The following FAM83B variants were observed in gnomAD, a reference collection of about 807,000 sequenced individuals.
FAM83B encodes the protein protein FAM83B.
In FAM83B, 26 loss-of-function variants were observed where a neutral mutation model predicts 38.8. That is an observed-to-expected ratio of 0.67 (90% confidence interval 0.49 to 0.93). FAM83B has a LOEUF of 0.93. Ranked by LOEUF, FAM83B falls within the 40% of genes least tolerant of loss-of-function variation. FAM83B has a pLI of 0.00. For synonymous variants in FAM83B, 419 were observed against 423.1 expected, an observed-to-expected ratio of 0.99 and a Z score of 0.12; for missense variants, 1,237 against 1,197.3, an observed-to-expected ratio of 1.03 and a Z score of -0.49.
chr6:54,914,773 A>G (rs1772996948), intron 2 of FAM83B, among the ~76,000 whole-genome samples: 1 of 152,110 alleles, frequency 6.6e-6, no homozygotes, highest in South Asian at 2.1e-4. Flanking sequence ...CTTCCTGGCA[A>G]GCCCACAATC....
In FAM83B at chr6:54,870,643, C is replaced by T. The variant is rs748788518; in HGVS notation, c.397C>T (p.Leu133Phe). The T allele has an allele frequency of 1.2e-5, 20 of 1,611,234 alleles. No homozygotes were observed. The South Asian group carries it at 2.1e-4, about 17-fold the overall frequency. ...TTTTCATCCACCAAGAGCACATCTA[C>T]TTACGATAAAAGAAACTATTCGGAA... is the stretch of plus-strand genomic sequence containing the variant. ...LLFHPPRAHLLTIKETIRKMI... is the reference protein window; with the variant it reads ...LLFHPPRAHLFTIKETIRKMI... Residue 133 changes from leucine to phenylalanine, a missense_variant, in exon 2 of 5, where the codon CTT (leucine) becomes TTT (phenylalanine). Transcript: ENST00000306858.
intron 4 of FAM83B, among the ~76,000 whole-genome samples, chr6:54,932,503 A>G (rs186505318): frequency 3.3e-4 from 50 of 152,308 alleles, no homozygotes; most frequent in Non-Finnish European, 6.6e-4. Context: ...TTTAAATTCT[A>G]TGAACCACAT....
chr6:54,903,798 G>A (rs972950040), intron 2 of FAM83B, among the ~76,000 whole-genome samples: 6 of 151,122 alleles, frequency 4.0e-5, no homozygotes, highest in Admixed American at 3.3e-4. Flanking sequence ...AGCATAATAG[G>A]TTTTTTTAAT....
rs549043497 is a variant in FAM83B, at chr6:54,914,143, G to A, written c.445-12228G>A. Among the ~76,000 whole-genome samples the A allele has an allele frequency of 4.6e-5, 7 of 152,072 alleles. No individual in the cohort carries two copies. In the South Asian group the frequency reaches 1.2e-3, roughly 27 times the overall value. On this transcript the variant is annotated intron_variant, in intron 2 of 4. Transcript: ENST00000306858. ...TTTCCCTCTCCTTTTTTGGTAAATA[G>A]TGGTGGGATATTTTCTGTTTTCTAG... is the stretch of plus-strand genomic sequence containing the variant.
intron 1 of FAM83B, among the ~76,000 whole-genome samples, chr6:54,851,647 G>GTTTTT (rs577598548): frequency 4.6e-5 from 4 of 86,958 alleles, no homozygotes; most frequent in African/African-American, 9.4e-5. Flanking sequence ...TAATTTTTGT[G>GTTTTT]TTTTTTTTTT....
chr6:54,891,988 T>A (rs1437252413), intron 2 of FAM83B, among the ~76,000 whole-genome samples: 1 of 152,060 alleles, frequency 6.6e-6, no homozygotes, highest in African/African-American at 2.4e-5. Flanking sequence ...TTGCCATGTC[T>A]ACCTCCTTCT....
chr6:54,883,410 A>G (rs1362961125), intron 2 of FAM83B, among the ~76,000 whole-genome samples: 2 of 146,214 alleles, frequency 1.4e-5, no homozygotes, highest in Non-Finnish European at 3.0e-5. Context: ...TCTTGGCTCA[A>G]CGCAACCTCC....
At chr6:54,921,548 T>C (rs1773169640) in intron 2 of FAM83B, among the ~76,000 whole-genome samples, 1 of 152,008 alleles carries the variant, frequency 6.6e-6, no homozygotes, top group Non-Finnish European at 1.5e-5. Context: ...TGAATGCATT[T>C]ATTTATTTAC....
chr6:54,922,117 C>G (rs772062482), intron 2 of FAM83B, among the ~76,000 whole-genome samples: 27 of 151,996 alleles, frequency 1.8e-4, no homozygotes, highest in Non-Finnish European at 2.1e-4. Flanking sequence ...GTCATTTGTT[C>G]TGCATTTAGT....
chr6:54,927,368 A>T (rs557589681), intron 3 of FAM83B, 140 bp from the exon 4 acceptor site: 2 of 563,336 alleles, frequency 3.6e-6, no homozygotes, highest in Admixed American at 7.0e-5. Flanking sequence ...TTCATTAAGG[A>T]TTTAATATTT....
Position 54,940,066 on chromosome 6 carries a change from C to T in FAM83B, c.1095C>T (p.Asn365=), listed in dbSNP as rs1253546725. ...GATACAAACCTCATTTTGTTCCTAA[C>T]TTTAATGGTCCAAACGCAATACGTC... ...SHGYKPHFVP[N]FNGPNAIRQF... Residue 365 remains asparagine, a synonymous_variant, in exon 5 of 5, where the codon AAC becomes AAT. Coordinates refer to ENST00000306858, the MANE Select transcript of FAM83B (RefSeq NM_001010872.3). The T allele has an allele frequency of 2.5e-6, 4 of 1,613,822 alleles. No homozygotes were observed. The East Asian group carries it at 6.7e-5, about 27-fold the overall frequency.
At chr6:54,847,618 T>C (rs1771171721) in intron 1 of FAM83B, among the ~76,000 whole-genome samples, 1 of 142,320 alleles carries the variant, frequency 7.0e-6, no homozygotes, top group Non-Finnish European at 1.5e-5. Flanking sequence ...CTATTCTGTG[T>C]GATATGTGGG....
At chr6:54,919,470 A>G (rs1285386470) in intron 2 of FAM83B, among the ~76,000 whole-genome samples, 1 of 152,192 alleles carries the variant, frequency 6.6e-6, no homozygotes, top group African/African-American at 2.4e-5. Flanking sequence ...TACATTTCCA[A>G]TTGACTTTTA....
intron 2 of FAM83B, among the ~76,000 whole-genome samples, chr6:54,912,565 CTA>C (rs1040228998): frequency 3.3e-5 from 5 of 151,578 alleles, no homozygotes; most frequent in African/African-American, 1.2e-4. Flanking sequence ...ATAATTTGAA[CTA>C]TATATTATAT....
chr6:54,936,284 A>G lies in FAM83B; in HGVS notation c.735-3422A>G, dbSNP rs79126644. ...ATTGCCACACATTCACCAACACCGT[A>G]TCTTCTTAGTTTTCTAACCTCAACA... is the stretch of plus-strand genomic sequence containing the variant. On this transcript the variant is annotated intron_variant, in intron 4 of 4. Transcript: ENST00000306858. 8.6e-3 allele frequency among the ~76,000 whole-genome samples: 1,310 copies of G among 152,248 alleles called. 11 individuals carry two copies. The highest frequency in any genetic ancestry group is 0.061 in the Middle Eastern group (18 of 294).
intron 2 of FAM83B, among the ~76,000 whole-genome samples, chr6:54,887,530 G>T (rs1772307284): frequency 6.6e-6 from 1 of 151,638 alleles, no homozygotes; most frequent in Non-Finnish European, 1.5e-5. Flanking sequence ...TGGTTTTTTT[G>T]TTTATTTGTT....
In FAM83B at chr6:54,942,889, G is replaced by C. The variant is rs1352871014; in HGVS notation, c.*882G>C. 5.3e-5 allele frequency among the ~76,000 whole-genome samples: 8 copies of C among 150,848 alleles called. No individual in the cohort carries two copies. Among genetic ancestry groups the C allele is most frequent in the Non-Finnish European group, 7.4e-5 (5 of 67,818 alleles). On this transcript the variant is annotated 3_prime_UTR_variant, in exon 5 of 5. Transcript: ENST00000306858. ...ATGACAATGCTAAGGGGTCTTGCTTGCGAAAATTCTTGCTCTTTTTTTTTT... is the reference window on the plus strand; with the variant it reads ...ATGACAATGCTAAGGGGTCTTGCTTCCGAAAATTCTTGCTCTTTTTTTTTT...
intron 1 of FAM83B, among the ~76,000 whole-genome samples, chr6:54,852,938 A>T (rs1361437036): frequency 1.3e-5 from 2 of 151,412 alleles, no homozygotes; most frequent in African/African-American, 2.4e-5. Flanking sequence ...TTTTGTTGCA[A>T]TTTTTTTTTC....
At chr6:54,938,513 A>G (rs183417068) in intron 4 of FAM83B, among the ~76,000 whole-genome samples, 41 of 152,258 alleles carry the variant, frequency 2.7e-4, no homozygotes, top group Non-Finnish European at 4.9e-4. Context: ...TTTTCACCAC[A>G]TGCATGCCAA....
Sources: allele counts gnomAD v4.1 joint callset (sites outside exome capture counted in the v4.1 genomes callset), GRCh38; gene constraint gnomAD v4.1.1; transcripts MANE v1.5; gene names NCBI Gene and HGNC (gene_info 2026-07-23, HGNC 2026-07-21).